The following SCAF4 variants were observed in gnomAD, a reference collection of about 807,000 sequenced individuals.
SCAF4 encodes the protein SR-related and CTD-associated factor 4.
SCAF4 carries 25 observed loss-of-function variants against 129.8 expected under a neutral mutation model. The observed-to-expected ratio is 0.19, with a 90% CI of 0.14 to 0.27. The LOEUF is 0.27. SCAF4 is among the 10% of genes least tolerant of loss of function. The pLI is 1.00. For missense variants in SCAF4, 1,246 were observed against 1,457.1 expected (o/e 0.86, Z 2.36); for synonymous variants, 551 against 497.7 (o/e 1.11, Z -1.43).
chr21:31,691,693 A>ATT, intron 14 of SCAF4, 124 bp downstream of exon 14: 5 of 341,328 alleles, frequency 1.5e-5, no homozygotes, highest in East Asian at 4.6e-5. Flanking sequence ...AAAAAAAAAG[A>ATT]TGCACATGAA....
chr21:31,712,426 C>T (rs2050822377), intron 1 of SCAF4, among the ~76,000 whole-genome samples: 1 of 151,598 alleles, frequency 6.6e-6, no homozygotes, highest in Admixed American at 6.6e-5. Flanking sequence ...CCATGTTGCC[C>T]AGGATGGTCT....
At chr21:31,677,338 G>A (rs563606448) in intron 19 of SCAF4, among the ~76,000 whole-genome samples, 1 of 152,156 alleles carries the variant, frequency 6.6e-6, no homozygotes, top group South Asian at 2.1e-4. Flanking sequence ...TAAGTATGCT[G>A]TAGTTTTTGC....
At chr21:31,714,738 A>ACCTT (rs2123649420) in intron 1 of SCAF4, among the ~76,000 whole-genome samples, 1 of 152,336 alleles carries the variant, frequency 6.6e-6, no homozygotes, top group African/African-American at 2.4e-5. Context: ...CTAAACTCCA[A>ACCTT]GGATTTTTAA....
rs867031842 is a variant in SCAF4, at chr21:31,717,898, C to T, written c.31-11541G>A. ...ATACACATATATACACATATATACACATATATACACACACACACACACACA... is the reference window on the plus strand; with the variant it reads ...ATACACATATATACACATATATACATATATATACACACACACACACACACA... On this transcript the variant is annotated intron_variant, in intron 1 of 19. Coordinates refer to ENST00000286835, the MANE Select transcript of SCAF4 (RefSeq NM_020706.2). Among the ~76,000 whole-genome samples, 394 of 102,824 alleles carry T rather than the reference C, an allele frequency of 3.8e-3. 5 individuals are homozygous for T. Among genetic ancestry groups the T allele is most frequent in the African/African-American group, 0.014 (364 of 26,128 alleles). The allele number at this position is 102,824 out of a possible 152,430, so 67.5% of individuals were successfully genotyped here. A position where few individuals can be genotyped will look rare whatever the true frequency, so the allele number is the denominator to read the frequency against.
intron 1 of SCAF4, among the ~76,000 whole-genome samples, chr21:31,712,410 G>GT (rs1174040203): frequency 6.6e-6 from 1 of 151,370 alleles, no homozygotes; most frequent in East Asian, 1.9e-4. Context: ...TAGAGATGGG[G>GT]TTTTGCCATG....
intron 2 of SCAF4, among the ~76,000 whole-genome samples, chr21:31,705,738 T>C (rs933327731): frequency 6.6e-6 from 1 of 152,150 alleles, no homozygotes; most frequent in South Asian, 2.1e-4. Context: ...TTGGCAACCT[T>C]ATGGGACAAA....
At chr21:31,707,024 CT>C (rs779895040) in intron 1 of SCAF4, among the ~76,000 whole-genome samples, 1 of 151,814 alleles carries the variant, frequency 6.6e-6, no homozygotes, top group Admixed American at 6.6e-5. Flanking sequence ...TGTATAAATG[CT>C]TTTTTTTAAG....
At position 31,685,443 on chromosome 21, in the gene SCAF4, C is replaced by T; in HGVS notation, c.2251G>A (p.Val751Ile). ...GGAGTGTGAGGAGGAGGAATGGATA[C>T]TGGTGGAGTTATAGGAGGTGGGGGT... ...PGPPPPITPP[V>I]SIPPPHTPPI... Residue 751 changes from valine (V) to isoleucine (I), a missense_variant, in exon 18 of 20, where the codon GTA becomes ATA. Transcript: ENST00000286835. 1 of 1,613,466 alleles carries T rather than the reference C, an allele frequency of 6.2e-7. No individual in the cohort carries two copies. Among genetic ancestry groups the T allele is most frequent in the Non-Finnish European group, 8.5e-7 (1 of 1,179,684 alleles).
chr21:31,680,362 A>G (rs2049967983), intron 19 of SCAF4, among the ~76,000 whole-genome samples: 1 of 152,224 alleles, frequency 6.6e-6, no homozygotes, highest in African/African-American at 2.4e-5. Flanking sequence ...TGCATTATCC[A>G]CTGTATCCAA....
chr21:31,712,623 G>C (rs1243163652), intron 1 of SCAF4, among the ~76,000 whole-genome samples: 1 of 148,294 alleles, frequency 6.7e-6, no homozygotes, highest in Admixed American at 6.8e-5. Context: ...CCGCCTCCCC[G>C]GTTTAAGTGA....
chr21:31,686,633 C>T (rs895249633), intron 16 of SCAF4, among the ~76,000 whole-genome samples: 11 of 152,064 alleles, frequency 7.2e-5, no homozygotes, highest in African/African-American at 2.4e-4. Flanking sequence ...ACCCCCCCAG[C>T]CACGGACCAT....
rs999278361 is a variant in SCAF4 at position 31,671,860 on chromosome 21, T to C, written c.2983A>G (p.Arg995Gly). ...NDNRQQFNSGRDQERFGRRSF... is the reference protein window; with the variant it reads ...NDNRQQFNSGGDQERFGRRSF... The stretch of plus-strand genomic sequence containing the variant: ...CTTCTTCCAAACCTTTCTTGGTCTC[T>C]ACCTGAATTGAACTGCTGCCTGTTA... Residue 995 changes from arginine (R) to glycine (G), a missense_variant, in exon 20 of 20, where the codon AGA becomes GGA. Arg to Gly is a moderately radical substitution (Grantham distance 125). Transcript: ENST00000286835. 1.5e-5 allele frequency: 25 copies of C among 1,614,126 alleles called. No individual in the cohort carries two copies. Among genetic ancestry groups the C allele is most frequent in the Admixed American group, 5.0e-5 (3 of 60,016 alleles).
At chr21:31,696,534 T>G in intron 8 of SCAF4, 35 bp downstream of exon 8, 1 of 1,544,976 alleles carries the variant, frequency 6.5e-7, no homozygotes, top group Admixed American at 2.0e-5. Context: ...TATTACCAAT[T>G]TTCTATCTGC....
At chr21:31,723,269 T>C (rs372249282) in intron 1 of SCAF4, among the ~76,000 whole-genome samples, 33 of 152,220 alleles carry the variant, frequency 2.2e-4, no homozygotes, top group Non-Finnish European at 3.7e-4. Flanking sequence ...CTGGCCAACA[T>C]GGTGAAACGC....
intron 1 of SCAF4, among the ~76,000 whole-genome samples, chr21:31,709,285 T>A (rs896030041): frequency 1.3e-5 from 2 of 151,470 alleles, no homozygotes; most frequent in African/African-American, 4.9e-5. Flanking sequence ...ACTGACTCTT[T>A]TCCCTTCCCT....
At chr21:31,701,531 A>G (rs888123763) in intron 6 of SCAF4, among the ~76,000 whole-genome samples, 1 of 152,206 alleles carries the variant, frequency 6.6e-6, no homozygotes, top group Non-Finnish European at 1.5e-5. Context: ...GAGCAACATG[A>G]GCCACTTAGT....
rs1198611281 is a variant in SCAF4, at chr21:31,696,057, C to T, written c.1068+56G>A. 9.3e-6 allele frequency: 12 copies of T among 1,296,204 alleles called. No homozygotes were observed. In the Admixed American group the frequency reaches 2.1e-4, roughly 23 times the overall value. 80.3% of individuals were successfully genotyped at this position (1,296,204 alleles called of 1,614,324 possible). On this transcript the variant is annotated intron_variant, in intron 9 of 19. Transcript: ENST00000286835. ...TGCAGAGTGCTCTGTGGAATGCAAACCATACGCTCTATAATGAATAGATCT... is the reference window on the plus strand; with the variant it reads ...TGCAGAGTGCTCTGTGGAATGCAAATCATACGCTCTATAATGAATAGATCT...
In SCAF4 at chr21:31,731,649, C is replaced by T; in HGVS notation, c.30+14G>A. ...CAGCAGGCCCGGCACCCCCCTGCCC[C>T]AAACACCCCTTACCTCCTGGTTGAA... On this transcript the variant is annotated intron_variant, in intron 1 of 19. Transcript: ENST00000286835. 6.3e-7 allele frequency: 1 copy of T among 1,589,920 alleles called. No individual in the cohort carries two copies. The highest frequency in any genetic ancestry group is 8.5e-7 in the Non-Finnish European group (1 of 1,172,948).
intron 1 of SCAF4, among the ~76,000 whole-genome samples, chr21:31,717,870 C>CACATAT (rs1555853934): frequency 9.6e-5 from 12 of 124,824 alleles, no homozygotes; most frequent in African/African-American, 2.8e-4. Context: ...CACACACACA[C>CACATAT]ATATACACAT....
Sources: gnomAD v4.1 joint callset for allele counts (sites outside exome capture counted in the v4.1 genomes callset) on GRCh38, gnomAD v4.1.1 for gene constraint, MANE v1.5 for transcripts, NCBI Gene and HGNC (gene_info 2026-07-23, HGNC 2026-07-21) for gene names.